Variants in CMTM4 observed in about 807,000 individuals in gnomAD.
CMTM4 encodes the protein CKLF-like MARVEL transmembrane domain-containing protein 4.
In CMTM4, 8 loss-of-function variants were observed where a neutral mutation model predicts 19.0. That is an observed-to-expected ratio of 0.42 (90% CI 0.25 to 0.76). The LOEUF is 0.76. CMTM4 is among the 30% of genes least tolerant of loss of function. CMTM4 has a pLI of 0.27. For synonymous variants in CMTM4, 106 were observed against 121.1 expected, an observed-to-expected ratio of 0.88 and a Z score of 0.82; for missense variants, 228 against 290.2, an observed-to-expected ratio of 0.79 and a Z score of 1.56.
At chr16:66,653,085 TCCCAGAAAGCAGTGTCGCATC>T (rs2016340567) in intron 1 of CMTM4, among the ~76,000 whole-genome samples, 1 of 152,064 alleles carries the variant, frequency 6.6e-6, no homozygotes, top group African/African-American at 2.4e-5. Flanking sequence ...GAAGCTGAAA[TCCCAGAAAGCAGTGTCGCATC>T]CCCAGAATAC....
intron 1 of CMTM4, among the ~76,000 whole-genome samples, chr16:66,669,735 G>A (rs2016668190): frequency 1.3e-5 from 2 of 152,122 alleles, no homozygotes; most frequent in East Asian, 1.9e-4. Context: ...TAGTAGAGAT[G>A]GGGTTTCACT....
chr16:66,646,800 G>A (rs924780092), intron 1 of CMTM4, among the ~76,000 whole-genome samples: 1 of 150,958 alleles, frequency 6.6e-6, no homozygotes, highest in Non-Finnish European at 1.5e-5. Flanking sequence ...TCCACCTCCT[G>A]GGTTCAAACG....
In CMTM4 at chr16:66,617,116, C is replaced by T; in HGVS notation, c.*4942G>A. ...CCTGGGGGTCCAAGCCAAAGGCTCC[C>T]TGGCCTTTGTGTATTATGCATCCCA... On this transcript the variant is annotated 3_prime_UTR_variant, in exon 4 of 4. Transcript: ENST00000394106. 1.6e-6 allele frequency: 1 copy of T among 632,310 alleles called. No homozygotes were observed. Among genetic ancestry groups the T allele is most frequent in the East Asian group, 3.0e-5 (1 of 33,884 alleles). The allele number at this position is 632,310 out of a possible 1,614,324, so 39.2% of individuals were successfully genotyped here.
intron 1 of CMTM4, among the ~76,000 whole-genome samples, chr16:66,680,800 A>AAAAAAT (rs1567430925): frequency 6.9e-6 from 1 of 145,640 alleles, no homozygotes; most frequent in Non-Finnish European, 1.5e-5. Context: ...AAAAAAAAAA[A>AAAAAAT]CCATAATGGC....
intron 1 of CMTM4, among the ~76,000 whole-genome samples, chr16:66,683,436 C>A (rs979454341): frequency 6.7e-6 from 1 of 149,760 alleles, no homozygotes; most frequent in African/African-American, 2.5e-5. Flanking sequence ...GGACTACAGG[C>A]GCCCACCACC....
At chr16:66,613,061 G>A (rs2015443242), downstream of CMTM4, 4 of 702,982 alleles carry the variant, frequency 5.7e-6, no homozygotes, top group African/African-American at 1.7e-5. Context: ...TGCCCCGCCA[G>A]GCCCCGGTGG....
In CMTM4 at chr16:66,619,191, G is replaced by A; in HGVS notation, c.*2867C>T. On this transcript the variant is annotated 3_prime_UTR_variant, in exon 4 of 4. Coordinates refer to ENST00000394106, the MANE Select transcript of CMTM4 (RefSeq NM_181521.3). ...AACATATTTCCCTCCCATGCCTTCA[G>A]CAGTGTGAAAGAAGGATATCAAAGA... 3.0e-6 allele frequency: 3 copies of A among 985,416 alleles called. No homozygotes were observed. The South Asian group carries it at 1.4e-4, about 46-fold the overall frequency. The allele number at this position is 985,416 out of a possible 1,614,324, so 61.0% of individuals were successfully genotyped here. A position where few individuals can be genotyped will look rare whatever the true frequency, so the allele number is the denominator to read the frequency against.
chr16:66,672,807 A>C (rs1161475773), intron 1 of CMTM4, among the ~76,000 whole-genome samples: 1 of 138,636 alleles, frequency 7.2e-6, no homozygotes, highest in Non-Finnish European at 1.5e-5. Context: ...TTGTATTTTT[A>C]GTAGAGACGG....
intron 1 of CMTM4, among the ~76,000 whole-genome samples, chr16:66,683,108 G>GTT (rs1555502437): frequency 6.3e-5 from 8 of 126,268 alleles, no homozygotes; most frequent in African/African-American, 2.5e-4. Context: ...ATAGAGTCTA[G>GTT]TTGTGTGTGT....
At chr16:66,694,929 C>G (rs548521519) in intron 1 of CMTM4, among the ~76,000 whole-genome samples, 2 of 152,132 alleles carry the variant, frequency 1.3e-5, no homozygotes, top group African/African-American at 4.8e-5. Flanking sequence ...GCAGAACAAG[C>G]CTTTCACCCA....
chr16:66,634,458 AC>A (rs1448272347), intron 2 of CMTM4, among the ~76,000 whole-genome samples: 12 of 148,844 alleles, frequency 8.1e-5, no homozygotes, highest in African/African-American at 2.3e-4. Context: ...AAAAAAAAAA[AC>A]CCAAAAACAA....
At chr16:66,680,796 A>C (rs1310707120) in intron 1 of CMTM4, among the ~76,000 whole-genome samples, 1 of 150,458 alleles carries the variant, frequency 6.6e-6, no homozygotes, top group Non-Finnish European at 1.5e-5. Flanking sequence ...AAAAAAAAAA[A>C]AAAACCATAA....
chr16:66,624,089 G>A (rs1374739806), intron 2 of CMTM4, among the ~76,000 whole-genome samples: 6 of 152,184 alleles, frequency 3.9e-5, no homozygotes, highest in Non-Finnish European at 7.3e-5. Context: ...AACATAGCAG[G>A]GTAATGAAAG....
chr16:66,635,843 C>A (rs1412104257), intron 2 of CMTM4, among the ~76,000 whole-genome samples: 1 of 152,178 alleles, frequency 6.6e-6, no homozygotes, highest in African/African-American at 2.4e-5. Context: ...CCCTGTGCTT[C>A]CCATCTGATT....
At chr16:66,635,379 A>G (rs2015970809) in intron 2 of CMTM4, among the ~76,000 whole-genome samples, 1 of 152,108 alleles carries the variant, frequency 6.6e-6, no homozygotes, top group African/African-American at 2.4e-5. Context: ...CTCCTTTAGG[A>G]GTCTGTGCTG....
intron 1 of CMTM4, among the ~76,000 whole-genome samples, chr16:66,658,046 C>T (rs2016429827): frequency 6.6e-6 from 1 of 152,178 alleles, no homozygotes. Flanking sequence ...CATACTAAGA[C>T]TCCATCTCTA....
chr16:66,687,013 T>C (rs192705460), intron 1 of CMTM4, among the ~76,000 whole-genome samples: 42 of 152,300 alleles, frequency 2.8e-4, no homozygotes, highest in African/African-American at 9.4e-4. Context: ...ATTATTTTTC[T>C]AATTTCTAAT....
chr16:66,608,362 C>T, the CMTM4 span: 2 of 1,614,110 alleles, frequency 1.2e-6, no homozygotes, highest in East Asian at 4.5e-5. The surrounding 1 kb of genome is among the most constrained non-coding windows in gnomAD (Gnocchi z 5.1). Context: ...CATCTGCCTT[C>T]CTCACAGCGC....
In CMTM4 at chr16:66,618,284, C is replaced by T. The variant is rs1027320956; in HGVS notation, c.*3774G>A. 2 of 985,446 alleles carry T rather than the reference C, an allele frequency of 2.0e-6. No individual in the cohort carries two copies. Among genetic ancestry groups the T allele is most frequent in the African/African-American group, 1.7e-5 (1 of 57,356 alleles). The allele number at this position is 985,446 out of a possible 1,614,324, so 61.0% of individuals were successfully genotyped here. On this transcript the variant is annotated 3_prime_UTR_variant, in exon 4 of 4. Transcript: ENST00000394106. ...TGATACCTGTTTAACGTCATTATTA[C>T]TCTGTAAACAAGATCTGGAGAAGAT... is the stretch of plus-strand genomic sequence containing the variant.
Sources: gnomAD v4.1 joint callset for allele counts (sites outside exome capture counted in the v4.1 genomes callset) on GRCh38, gnomAD v4.1.1 for gene constraint, Gnocchi (gnomAD v3.1) non-coding constraint, MANE v1.5 for transcripts, NCBI Gene and HGNC (gene_info 2026-07-23, HGNC 2026-07-21) for gene names.